CNTN4: variants seen among roughly 807,000 people sequenced by gnomAD.
The protein encoded by CNTN4 is contactin 4.
In CNTN4, 77 loss-of-function variants were observed where a neutral mutation model predicts 122.5. The observed-to-expected ratio is 0.63, with a 90% CI of 0.52 to 0.76. The LOEUF (loss-of-function observed/expected upper bound fraction) is 0.76, where lower values mean the gene tolerates loss of function less well. Ranked by LOEUF, CNTN4 falls within the 30% of genes least tolerant of loss-of-function variation. CNTN4 has a pLI of 0.00. For synonymous variants in CNTN4, 512 were observed against 447.0 expected (o/e 1.15, Z -1.83); for missense variants, 1,256 against 1,259.1 (o/e 1.00, Z 0.04).
chr3:2,735,975 AGTT>A (rs1376364372), intron 4 of CNTN4: 1 of 625,692 alleles, frequency 1.6e-6, no homozygotes, highest in African/African-American at 1.8e-5. Flanking sequence ...TGCGCCTGGA[AGTT>A]GTTAGTAAAA....
chr3:2,322,885 C>G (rs1433764785), intron 2 of CNTN4, among the ~76,000 whole-genome samples: 1 of 152,078 alleles, frequency 6.6e-6, no homozygotes, highest in Non-Finnish European at 1.5e-5. Flanking sequence ...ATTTAACATT[C>G]TAAGATCTTT....
Position 2,904,313 on chromosome 3 carries a change from G to T in CNTN4, c.1207+1308G>T, listed in dbSNP as rs549401440. 3.4e-4 allele frequency among the ~76,000 whole-genome samples: 52 copies of T among 152,142 alleles called. 1 individual carries two copies. The highest frequency in any genetic ancestry group is 5.4e-4 in the Non-Finnish European group (37 of 68,022). Reference sequence around the variant, plus strand: ...CTTTCCCTTATGAAAAACATTCATTGGTGCCTAGCATGTAAATCTTGCATA... The same window carrying T: ...CTTTCCCTTATGAAAAACATTCATTTGTGCCTAGCATGTAAATCTTGCATA... On this transcript the variant is annotated intron_variant, in intron 12 of 24. Transcript: ENST00000418658.
At chr3:2,639,380 C>G (rs1162572765) in intron 4 of CNTN4, among the ~76,000 whole-genome samples, 1 of 152,154 alleles carries the variant, frequency 6.6e-6, no homozygotes, top group African/African-American at 2.4e-5. Flanking sequence ...CAGATCAGTG[C>G]TTGCCCAACT....
At chr3:2,135,804 A>T (rs143989361) in intron 2 of CNTN4, among the ~76,000 whole-genome samples, 38 of 152,282 alleles carry the variant, frequency 2.5e-4, no homozygotes, top group African/African-American at 9.1e-4. Context: ...ATAAGTATGG[A>T]AAATGGTTCC....
At chr3:2,962,603 G>A (rs182470385) in intron 13 of CNTN4, among the ~76,000 whole-genome samples, 2 of 152,290 alleles carry the variant, frequency 1.3e-5, no homozygotes, top group Admixed American at 6.5e-5. Context: ...TGATCAGGGT[G>A]CCCCTGCTGA....
chr3:2,805,662 A>C (rs1383515516), intron 6 of CNTN4, among the ~76,000 whole-genome samples: 1 of 152,056 alleles, frequency 6.6e-6, no homozygotes, highest in Non-Finnish European at 1.5e-5. Context: ...CTGCATTGAA[A>C]ACAATGGGGG....
At chr3:3,038,849 G>GT (rs1699874223) in intron 18 of CNTN4, 84 bp from the exon 19 acceptor site, 10 of 1,107,050 alleles carry the variant, frequency 9.0e-6, no homozygotes, top group Non-Finnish European at 1.2e-5. Flanking sequence ...CTCACTGAAA[G>GT]TGAGTCACCT....
intron 2 of CNTN4, among the ~76,000 whole-genome samples, chr3:2,263,963 A>G (rs1279084649): frequency 6.6e-6 from 1 of 152,182 alleles, no homozygotes; most frequent in African/African-American, 2.4e-5. Context: ...TTATGGCCAA[A>G]TAATATTCCA....
chr3:2,885,209 C>T (rs2093958284), intron 9 of CNTN4, among the ~76,000 whole-genome samples: 1 of 152,036 alleles, frequency 6.6e-6, no homozygotes, highest in South Asian at 2.1e-4. Context: ...TAATTGTATC[C>T]CCTGCCAGGC....
At chr3:2,868,188 G>C (rs1035732806) in intron 8 of CNTN4, among the ~76,000 whole-genome samples, 20 of 152,178 alleles carry the variant, frequency 1.3e-4, no homozygotes, top group Admixed American at 1.3e-3. Context: ...CCTAGTCACT[G>C]TGCACAGAAC....
chr3:2,206,328 A>G (rs2038341243), intron 2 of CNTN4, among the ~76,000 whole-genome samples: 1 of 152,052 alleles, frequency 6.6e-6, no homozygotes, highest in South Asian at 2.1e-4. Context: ...GTATCTAGGG[A>G]TGATTTTATT....
intron 2 of CNTN4, among the ~76,000 whole-genome samples, chr3:2,162,947 A>G (rs1392178240): frequency 6.6e-6 from 1 of 152,074 alleles, no homozygotes; most frequent in Admixed American, 6.5e-5. Context: ...ATATATAAAA[A>G]TTAGCTGGGT....
At position 2,695,115 on chromosome 3, in the gene CNTN4, G is replaced by A. The variant is rs185164522; in HGVS notation, c.56-41100G>A. 7.9e-5 allele frequency among the ~76,000 whole-genome samples: 12 copies of A among 152,256 alleles called. No individual in the cohort carries two copies. In the East Asian group the frequency reaches 2.3e-3, roughly 29 times the overall value. On this transcript the variant is annotated intron_variant, in intron 4 of 24. Transcript: ENST00000418658. The stretch of plus-strand genomic sequence containing the variant: ...GGGCTGGGCAAAAAGCACCTGTCCT[G>A]GTGTAGCACTGTTTCCAGTATAGGA...
intron 2 of CNTN4, among the ~76,000 whole-genome samples, chr3:2,170,097 G>A (rs1345526211): frequency 3.3e-5 from 5 of 151,806 alleles, no homozygotes; most frequent in Admixed American, 6.6e-5. Flanking sequence ...CGAGGCGGGA[G>A]GATCACAAGG....
intron 3 of CNTN4, among the ~76,000 whole-genome samples, chr3:2,370,761 T>C (rs1050590128): frequency 2.0e-5 from 3 of 152,192 alleles, no homozygotes; most frequent in Non-Finnish European, 4.4e-5. Context: ...AAAAATGATA[T>C]AATTTTAGAG....
intron 2 of CNTN4, among the ~76,000 whole-genome samples, chr3:2,187,543 G>A (rs11915573): frequency 1.8e-3 from 270 of 152,214 alleles, no homozygotes; most frequent in African/African-American, 6.3e-3. Context: ...CTAGGTTCAC[G>A]ATCAGCTGTT....
intron 4 of CNTN4, among the ~76,000 whole-genome samples, chr3:2,601,825 T>C (rs1174728588): frequency 6.6e-6 from 1 of 152,014 alleles, no homozygotes; most frequent in East Asian, 1.9e-4. Context: ...CTGATGAACA[T>C]TGATGCAAAA....
At chr3:2,542,684 A>G (rs1197314092) in intron 3 of CNTN4, among the ~76,000 whole-genome samples, 2 of 152,130 alleles carry the variant, frequency 1.3e-5, no homozygotes, top group Non-Finnish European at 2.9e-5. Context: ...GGCTTCTGTC[A>G]TCATAGAGAT....
chr3:2,775,847 C>T (rs1181374160), intron 6 of CNTN4, among the ~76,000 whole-genome samples: 2 of 152,140 alleles, frequency 1.3e-5, no homozygotes, highest in African/African-American at 2.4e-5. Context: ...ATATGAGCTC[C>T]ATGAGGGCGG....
Sources: allele counts gnomAD v4.1 joint callset (sites outside exome capture counted in the v4.1 genomes callset), GRCh38; gene constraint gnomAD v4.1.1; transcripts MANE v1.5; gene names NCBI Gene and HGNC (gene_info 2026-07-23, HGNC 2026-07-21).